The following MMP13 variants were observed in gnomAD, a reference collection of about 807,000 sequenced individuals.
MMP13 encodes matrix metallopeptidase 13, also known as collagenase 3.
In MMP13, 45 loss-of-function variants were observed where a neutral mutation model predicts 52.1. The ratio of observed to expected loss-of-function variants is 0.86; its 90% CI spans 0.68 to 1.11. The LOEUF (loss-of-function observed/expected upper bound fraction) is 1.11, where lower values mean the gene tolerates loss of function less well. MMP13 is among the 50% of genes least tolerant of loss of function. The pLI is 0.00. For missense variants in MMP13, 576 were observed against 583.8 expected, an observed-to-expected ratio of 0.99 and a Z score of 0.14; for synonymous variants, 200 against 204.4, an observed-to-expected ratio of 0.98 and a Z score of 0.18.
Position 102,949,958 on chromosome 11 carries a change from T to C in MMP13, c.917+152A>G. The C allele has an allele frequency of 1.4e-6, 1 of 724,334 alleles. No individual in the cohort carries two copies. The highest frequency in any genetic ancestry group is 2.5e-6 in the Non-Finnish European group (1 of 393,784). The allele number at this position is 724,334 out of a possible 1,614,324, so 44.9% of individuals were successfully genotyped here. On this transcript the variant is annotated intron_variant, in intron 6 of 9. Transcript: ENST00000260302. The surrounding 1 kb of genome is among the most constrained non-coding windows in gnomAD (Gnocchi z 4.2). ...AAGTAAAACATTTATCCATCAGTCA[T>C]TTATTTGATCTGAAATATGTAAATA...
At chr11:102,945,595 T>G (rs1565252862) in intron 9 of MMP13, 51 bp downstream of exon 9, 1 of 1,112,300 alleles carries the variant, frequency 9.0e-7, no homozygotes, top group Admixed American at 1.7e-5. Flanking sequence ...AAAAGAGTTT[T>G]GAGGGGCTAC....
chr11:102,954,019 C>T lies in MMP13; in HGVS notation c.637+137G>A, dbSNP rs1591158669. ...AATGTCACTTGTAGAGACACTAATACATCTAAGATAAACTTTATTTAAGAA... is the reference window on the plus strand; with the variant it reads ...AATGTCACTTGTAGAGACACTAATATATCTAAGATAAACTTTATTTAAGAA... On this transcript the variant is annotated intron_variant, in intron 4 of 9. Coordinates refer to ENST00000260302, the MANE Select transcript of MMP13 (RefSeq NM_002427.4). 3.1e-6 allele frequency: 3 copies of T among 958,504 alleles called. No individual in the cohort carries two copies. The East Asian group carries it at 8.1e-5, about 26-fold the overall frequency. The allele number at this position is 958,504 out of a possible 1,614,324, so 59.4% of individuals were successfully genotyped here. A position where few individuals can be genotyped will look rare whatever the true frequency, so the allele number is the denominator to read the frequency against.
In MMP13 at chr11:102,952,178, A is replaced by G; in HGVS notation, c.638-5T>C. 6.2e-7 allele frequency: 1 copy of G among 1,612,674 alleles called. No homozygotes were observed. Among genetic ancestry groups the G allele is most frequent in the Non-Finnish European group, 8.5e-7 (1 of 1,178,960 alleles). On this transcript the variant is annotated splice_region_variant and splice_polypyrimidine_tract_variant and intron_variant, in intron 4 of 9. Transcript: ENST00000260302. This position sits in a 1 kb window ranked among gnomAD's most constrained non-coding sequence, Gnocchi z 4.3. ...CAACAAGAAACAAGTTGTAGCCTGT[A>G]AGAAAACAAAGAAACAATGAGAAAA...
Position 102,945,641 on chromosome 11 carries a change from C to T in MMP13, c.1315+5G>A, listed in dbSNP as rs1555016583. The T allele has an allele frequency of 6.5e-7, 1 of 1,540,124 alleles. No homozygotes were observed. Among genetic ancestry groups the T allele is most frequent in the Non-Finnish European group, 9.0e-7 (1 of 1,113,882 alleles). On this transcript the variant is annotated splice_donor_5th_base_variant and intron_variant, in intron 9 of 9. Coordinates refer to ENST00000260302, the MANE Select transcript of MMP13 (RefSeq NM_002427.4). ...CTTTAAAGTCAGTGCAATGTAACTA[C>T]TTACCATTTTTCTCATAGACAGCAT...
intron 8 of MMP13, among the ~76,000 whole-genome samples, chr11:102,947,616 G>C (rs550932173): frequency 6.6e-6 from 1 of 151,098 alleles, no homozygotes; most frequent in Non-Finnish European, 1.5e-5. Flanking sequence ...TGGTTGAGAG[G>C]CACAACAAAT....
In MMP13 at chr11:102,950,171, G is replaced by T. The variant is rs149330684; in HGVS notation, c.856C>A (p.Pro286Thr). 3.1e-4 allele frequency: 503 copies of T among 1,613,834 alleles called. No homozygotes were observed. The highest frequency in any genetic ancestry group is 3.7e-4 in the Non-Finnish European group (438 of 1,179,788). Residue 286 changes from proline (P) to threonine (T), a missense_variant, in exon 6 of 10, where the codon CCT becomes ACT. By Grantham distance (38) the Pro-to-Thr change is conservative. Transcript: ENST00000260302. Reference sequence around the variant, plus strand: ...GTAATGGCATCAAGGGATAAGGAAGGGTCACATTTGTCTGGCGTTTTTGGA... The same window carrying T: ...GTAATGGCATCAAGGGATAAGGAAGTGTCACATTTGTCTGGCGTTTTTGGA... ...KHPKTPDKCD[P>T]SLSLDAITSL...
At position 102,954,559 on chromosome 11, in the gene MMP13, G is replaced by A. The variant is rs1438893873; in HGVS notation, c.410C>T (p.Ala137Val). 1.9e-6 allele frequency: 3 copies of A among 1,613,594 alleles called. No homozygotes were observed. Among genetic ancestry groups the A allele is most frequent in the South Asian group, 2.2e-5 (2 of 91,068 alleles). ...CCAAACTTTGAAGGCTTTTTTGAAT[G>A]CCTTTTCGACTTCAGAATGAGTCAT... Reference protein sequence around the residue: ...PDMTHSEVEKAFKKAFKVWSD... With the variant: ...PDMTHSEVEKVFKKAFKVWSD... Residue 137 changes from alanine to valine, a missense_variant, in exon 3 of 10, where the codon GCA (alanine) becomes GTA (valine). By Grantham distance (64) the Ala-to-Val change is moderately conservative. Transcript: ENST00000260302.
intron 9 of MMP13, 47 bp from the exon 10 acceptor site, chr11:102,944,413 G>T: frequency 1.5e-6 from 2 of 1,340,124 alleles, no homozygotes; most frequent in Non-Finnish European, 2.1e-6. Context: ...AAAATAATAA[G>T]GTTTTAATCC....
chr11:102,955,573 C>G lies in MMP13; in HGVS notation c.120+13G>C. ...GTACCAACCGCATCATCAGGATTGGCAAGATACTCTACCTCTGCAAACTGG... is the reference window on the plus strand; with the variant it reads ...GTACCAACCGCATCATCAGGATTGGGAAGATACTCTACCTCTGCAAACTGG... On this transcript the variant is annotated intron_variant, in intron 1 of 9. Coordinates refer to ENST00000260302, the MANE Select transcript of MMP13 (RefSeq NM_002427.4). This position sits in a 1 kb window ranked among gnomAD's most constrained non-coding sequence, Gnocchi z 4.9. 1 of 1,613,906 alleles carries G rather than the reference C, an allele frequency of 6.2e-7. No individual in the cohort carries two copies. Among genetic ancestry groups the G allele is most frequent in the Non-Finnish European group, 8.5e-7 (1 of 1,179,876 alleles).
chr11:102,953,005 T>C (rs544150841), intron 4 of MMP13, among the ~76,000 whole-genome samples: 38 of 152,296 alleles, frequency 2.5e-4, no homozygotes, highest in Non-Finnish European at 4.7e-4. Context: ...TTGTAGCCTG[T>C]GCATGAAGAA....
rs879998813 is a variant in MMP13 at position 102,947,981 on chromosome 11, C to A, written c.1121G>T (p.Gly374Val). Residue 374 changes from glycine (G) to valine (V), a missense_variant, in exon 8 of 10, where the codon GGT becomes GTT. Coordinates refer to ENST00000260302, the MANE Select transcript of MMP13 (RefSeq NM_002427.4). ...TATCTTCTTAACTTCTTTTGGAAGA[C>A]CCAGTTCAGATATTTTTTTGGGATA... ...EGYPKKISEL[G>V]LPKEVKKISA... 5.6e-6 allele frequency: 9 copies of A among 1,613,812 alleles called. No individual in the cohort carries two copies. The South Asian group carries it at 9.9e-5, about 18-fold the overall frequency.
At position 102,954,200 on chromosome 11, in the gene MMP13, T is replaced by A. The variant is rs150048151; in HGVS notation, c.593A>T (p.Asp198Val). ...AFPPGPNYGG[D>V]AHFDDDETWT... ...GGTTTCATCATCATCAAAATGGGCA[T>A]CTCCTCCATAATTTGGCCCAGGAGG... Residue 198 changes from aspartate (D) to valine (V), a missense_variant, in exon 4 of 10, where the codon GAT becomes GTT. Transcript: ENST00000260302. 49 of 1,613,502 alleles carry A rather than the reference T, an allele frequency of 3.0e-5. No homozygotes were observed. The highest frequency in any genetic ancestry group is 3.6e-5 in the Non-Finnish European group (43 of 1,179,738).
In MMP13 at chr11:102,947,667, T is replaced by TTGTGTG. The variant is rs71066125; in HGVS notation, c.1211+218_1211+223dup. ...GTTTGAGAAGAGGAATGTTTGAGTATTGTGTGTGTGTGTGTGTGTGTGTGT... is the reference window on the plus strand; with the variant it reads ...GTTTGAGAAGAGGAATGTTTGAGTATTGTGTGTGTGTGTGTGTGTGTGTGTGTGTGT... On this transcript the variant is annotated intron_variant, in intron 8 of 9. Transcript: ENST00000260302. Among the ~76,000 whole-genome samples, 20,309 of 144,760 alleles carry TTGTGTG rather than the reference T, an allele frequency of 0.14. 1,436 individuals are homozygous for TTGTGTG. The highest frequency in any genetic ancestry group is 0.2 in the Middle Eastern group (58 of 284). 95.0% of individuals were successfully genotyped at this position (144,760 alleles called of 152,430 possible).
At chr11:102,951,169 A>AT (rs1309223066) in intron 5 of MMP13, among the ~76,000 whole-genome samples, 17 of 150,674 alleles carry the variant, frequency 1.1e-4, no homozygotes, top group Middle Eastern at 3.4e-3. Flanking sequence ...AAAAGGAAGA[A>AT]TTTTTTTTTT....
rs768791927 is a variant in MMP13, at chr11:102,955,258, GT to G, written c.355del (p.Thr119ProfsTer5). ...RTLKWSKMNL[T>X]YRIVNYTPDM... is the part of the protein sequence containing the mutation. ...AAGATAGCCTATGATTTACCTGTAG[GT>G]TAAATTCATTTTGGACCATTTAAGA... On this transcript the variant is annotated frameshift_variant, in exon 2 of 10. Transcript: ENST00000260302. LOFTEE classifies it high-confidence loss of function. This position sits in a 1 kb window ranked among gnomAD's most constrained non-coding sequence, Gnocchi z 4.9. 11 of 1,613,716 alleles carry G rather than the reference GT, an allele frequency of 6.8e-6. No homozygotes were observed. The highest frequency in any genetic ancestry group is 9.3e-6 in the Non-Finnish European group (11 of 1,179,744).
chr11:102,946,436 T>C (rs1352653549), intron 8 of MMP13, among the ~76,000 whole-genome samples: 1 of 152,020 alleles, frequency 6.6e-6, no homozygotes, highest in Non-Finnish European at 1.5e-5. Context: ...AAACTACCAA[T>C]AAAGCTAAGG....
Position 102,954,568 on chromosome 11 carries a change from A to T in MMP13, c.401T>A (p.Val134Asp). Reference protein sequence around the residue: ...NYTPDMTHSEVEKAFKKAFKV... With the variant: ...NYTPDMTHSEDEKAFKKAFKV... ...GAAGGCTTTTTTGAATGCCTTTTCG[A>T]CTTCAGAATGAGTCATATCAGGGGT... Residue 134 changes from valine to aspartate, a missense_variant, in exon 3 of 10, where the codon GTC becomes GAC. Coordinates refer to ENST00000260302, the MANE Select transcript of MMP13 (RefSeq NM_002427.4). The T allele has an allele frequency of 6.2e-7, 1 of 1,613,672 alleles. No homozygotes were observed. Among genetic ancestry groups the T allele is most frequent in the Non-Finnish European group, 8.5e-7 (1 of 1,179,698 alleles).
Position 102,949,447 on chromosome 11 carries a change from G to A in MMP13, c.918-289C>T, listed in dbSNP as rs782402662. On this transcript the variant is annotated intron_variant, in intron 6 of 9. Transcript: ENST00000260302. This position sits in a 1 kb window ranked among gnomAD's most constrained non-coding sequence, Gnocchi z 4.2. Reference sequence around the variant, plus strand: ...ATTTTGGGTATCTTGCCAGGGGCAAGCAAATGTGCCAGGCATTGTGTTGGC... The same window carrying A: ...ATTTTGGGTATCTTGCCAGGGGCAAACAAATGTGCCAGGCATTGTGTTGGC... Among the ~76,000 whole-genome samples, 1 of 152,152 alleles carries A rather than the reference G, an allele frequency of 6.6e-6. No homozygotes were observed.
chr11:102,944,374 A>T lies in MMP13; in HGVS notation c.1316-8T>A, dbSNP rs782229716. On this transcript the variant is annotated splice_polypyrimidine_tract_variant and splice_region_variant and intron_variant, in intron 9 of 9. Coordinates refer to ENST00000260302, the MANE Select transcript of MMP13 (RefSeq NM_002427.4). ...TGAAAAAATAGATATAACCTATAAG[A>T]AAAAGCATAAAGACAATTTCAGAGT... The T allele has an allele frequency of 6.4e-7, 1 of 1,561,338 alleles. No individual in the cohort carries two copies. The highest frequency in any genetic ancestry group is 2.2e-5 in the East Asian group (1 of 44,528).
Sources: allele counts gnomAD v4.1 joint callset (sites outside exome capture counted in the v4.1 genomes callset), GRCh38; gene constraint gnomAD v4.1.1; non-coding constraint Gnocchi (gnomAD v3.1); transcripts MANE v1.5; gene names NCBI Gene and HGNC (gene_info 2026-07-23, HGNC 2026-07-21).